GPR149: variants seen among roughly 807,000 people sequenced by gnomAD.
GPR149 encodes G protein-coupled receptor 149.
A neutral mutation model predicts 50.2 loss-of-function variants in GPR149; 50 were observed. The ratio of observed to expected loss-of-function variants is 1.00; its 90% CI spans 0.79 to 1.26. The LOEUF is 1.26. GPR149 is among the 50% of genes most tolerant of loss of function. The pLI, the probability that GPR149 is intolerant of heterozygous loss-of-function variation, is 0.00. For synonymous variants in GPR149, 405 were observed against 358.2 expected (o/e 1.13, Z -1.48); for missense variants, 983 against 895.4 (o/e 1.10, Z -1.25).
At chr3:154,417,571 A>C (rs1374792418) in intron 3 of GPR149, among the ~76,000 whole-genome samples, 2 of 152,116 alleles carry the variant, frequency 1.3e-5, no homozygotes, top group Non-Finnish European at 2.9e-5. Flanking sequence ...ATGTAGTACC[A>C]TTAGATACAA....
At chr3:154,342,352 A>C (rs1713816910) in intron 3 of GPR149, among the ~76,000 whole-genome samples, 1 of 152,240 alleles carries the variant, frequency 6.6e-6, no homozygotes, top group Non-Finnish European at 1.5e-5. Context: ...GGGCAAAACA[A>C]TTAAAGAAAA....
At chr3:154,355,365 T>C (rs188839923) in intron 3 of GPR149, among the ~76,000 whole-genome samples, 9 of 152,352 alleles carry the variant, frequency 5.9e-5, no homozygotes, top group Non-Finnish European at 1.0e-4. Flanking sequence ...TCTCATATTT[T>C]CAATTCATAC....
intron 3 of GPR149, among the ~76,000 whole-genome samples, chr3:154,350,798 T>C (rs1714059535): frequency 6.6e-6 from 1 of 152,204 alleles, no homozygotes; most frequent in Non-Finnish European, 1.5e-5. Flanking sequence ...GGACCTCCTG[T>C]GGATAGCAAA....
intron 3 of GPR149, among the ~76,000 whole-genome samples, chr3:154,418,034 C>A (rs867274895): frequency 9.3e-5 from 14 of 150,092 alleles, no homozygotes; most frequent in African/African-American, 3.2e-4. Flanking sequence ...CAAAAGAAGA[C>A]ATTTATGCAG....
chr3:154,406,980 C>G (rs542344825), intron 3 of GPR149, among the ~76,000 whole-genome samples: 4 of 152,088 alleles, frequency 2.6e-5, no homozygotes, highest in Non-Finnish European at 5.9e-5. Context: ...TGTCTTAGAT[C>G]GTGGCAGGCA....
chr3:154,414,573 GA>G (rs1711934870), intron 3 of GPR149, among the ~76,000 whole-genome samples: 1 of 151,830 alleles, frequency 6.6e-6, no homozygotes, highest in African/African-American at 2.4e-5. Context: ...TTACAAGGGG[GA>G]AAAATAGAAA....
intron 3 of GPR149, among the ~76,000 whole-genome samples, chr3:154,392,435 A>G (rs1036727357): frequency 6.6e-6 from 1 of 151,848 alleles, no homozygotes; most frequent in African/African-American, 2.4e-5. Flanking sequence ...ATGCAGCAAA[A>G]GAGGTACTAA....
chr3:154,402,448 A>AAATAAATAAATG (rs1711569742), intron 3 of GPR149, among the ~76,000 whole-genome samples: 1 of 151,040 alleles, frequency 6.6e-6, no homozygotes, highest in African/African-American at 2.4e-5. Context: ...ATAAATAAAT[A>AAATAAATAAATG]TAGAATAGAA....
rs34401689 is a variant in GPR149 at position 154,362,288 on chromosome 3, C to CAAAA, written c.1624-24021_1624-24018dup. Reference sequence around the variant, plus strand: ...TGGGCGACAGAGCAAGACTCCGTCTCAAAAAAAAAAAAAAAAAAAAATGAC... The same window carrying CAAAA: ...TGGGCGACAGAGCAAGACTCCGTCTCAAAAAAAAAAAAAAAAAAAAAAAAATGAC... On this transcript the variant is annotated intron_variant, in intron 3 of 3. Transcript: ENST00000389740. Among the ~76,000 whole-genome samples, 54 of 94,516 alleles carry CAAAA rather than the reference C, an allele frequency of 5.7e-4. 1 individual carries two copies. The highest frequency in any genetic ancestry group is 2.2e-3 in the African/African-American group (50 of 22,540). The allele number at this position is 94,516 out of a possible 152,430, so 62.0% of individuals were successfully genotyped here.
At chr3:154,411,458 T>A (rs1337777354) in intron 3 of GPR149, among the ~76,000 whole-genome samples, 1 of 152,052 alleles carries the variant, frequency 6.6e-6, no homozygotes, top group African/African-American at 2.4e-5. Flanking sequence ...TTAGCGAGAT[T>A]TATCAAGAAA....
In GPR149 at chr3:154,337,638, G is replaced by T. The variant is rs1713684614; in HGVS notation, c.*61C>A. 1.7e-6 allele frequency: 2 copies of T among 1,205,490 alleles called. No individual in the cohort carries two copies. Among genetic ancestry groups the T allele is most frequent in the African/African-American group, 1.5e-5 (1 of 65,994 alleles). 74.7% of individuals were successfully genotyped at this position (1,205,490 alleles called of 1,614,324 possible). A position where few individuals can be genotyped will look rare whatever the true frequency, so the allele number is the denominator to read the frequency against. ...AAAAGGAAATCAGTCTCATAACAAAGGTGTTAGTTTCACAGTTGACGTTGC... is the reference window on the plus strand; with the variant it reads ...AAAAGGAAATCAGTCTCATAACAAATGTGTTAGTTTCACAGTTGACGTTGC... On this transcript the variant is annotated 3_prime_UTR_variant, in exon 4 of 4. Coordinates refer to ENST00000389740, the MANE Select transcript of GPR149 (RefSeq NM_001038705.3).
intron 3 of GPR149, among the ~76,000 whole-genome samples, chr3:154,379,881 T>G (rs989192960): frequency 2.0e-5 from 3 of 152,094 alleles, no homozygotes. Flanking sequence ...GTTCTGTGTA[T>G]TTTTTCTTAA....
At chr3:154,380,912 T>C (rs927130411) in intron 3 of GPR149, among the ~76,000 whole-genome samples, 13 of 152,318 alleles carry the variant, frequency 8.5e-5, no homozygotes, top group South Asian at 2.1e-4. Context: ...AGCTATTTTA[T>C]TTTTTGAATC....
rs776809633 is a variant in GPR149 at position 154,428,953 on chromosome 3, C to T, written c.663G>A (p.Glu221=). The T allele has an allele frequency of 6.2e-7, 1 of 1,613,950 alleles. No homozygotes were observed. Residue 221 remains glutamate, a synonymous_variant, in exon 1 of 4, where the codon GAG becomes GAA. Coordinates refer to ENST00000389740, the MANE Select transcript of GPR149 (RefSeq NM_001038705.3). The part of the protein sequence containing the change: ...PLTHRLLCSE[E]PPRLHSNYQE... The stretch of plus-strand genomic sequence containing the variant: ...GGTAGTTGGAGTGGAGTCTCGGCGG[C>T]TCCTCCGAACACAGCAATCGGTGAG...
At chr3:154,415,618 T>C (rs908656094) in intron 3 of GPR149, among the ~76,000 whole-genome samples, 1 of 151,944 alleles carries the variant, frequency 6.6e-6, no homozygotes, top group Non-Finnish European at 1.5e-5. Flanking sequence ...GGACTTTTTT[T>C]GGTTTGTATG....
chr3:154,412,975 A>AT (rs1254410922), intron 3 of GPR149, among the ~76,000 whole-genome samples: 1 of 152,180 alleles, frequency 6.6e-6, no homozygotes, highest in African/African-American at 2.4e-5. Flanking sequence ...ATGGAACAGA[A>AT]TAGGGAACCC....
intron 3 of GPR149, among the ~76,000 whole-genome samples, chr3:154,385,562 G>A (rs917418554): frequency 1.3e-4 from 20 of 152,104 alleles, no homozygotes; most frequent in Non-Finnish European, 1.5e-5. Flanking sequence ...TGATTTTAAG[G>A]AAACTCTTTT....
intron 3 of GPR149, among the ~76,000 whole-genome samples, chr3:154,380,547 T>C (rs1714898084): frequency 6.6e-6 from 1 of 152,212 alleles, no homozygotes; most frequent in African/African-American, 2.4e-5. Flanking sequence ...TTTATGTGGA[T>C]CTTTCTGCCT....
chr3:154,427,424 A>G (rs1032660761), intron 2 of GPR149, 92 bp downstream of exon 2: 4 of 1,040,450 alleles, frequency 3.8e-6, no homozygotes, highest in African/African-American at 3.2e-5. Context: ...TGGACTCTCC[A>G]TCCCCTACTG....
Sources: allele counts gnomAD v4.1 joint callset (sites outside exome capture counted in the v4.1 genomes callset), GRCh38; gene constraint gnomAD v4.1.1; transcripts MANE v1.5; gene names NCBI Gene and HGNC (gene_info 2026-07-23, HGNC 2026-07-21).